Variants in COXFA4 observed in about 807,000 individuals in gnomAD.
COXFA4 encodes cytochrome c oxidase associated subunit FA4, also known as cytochrome c oxidase subunit FA4.
the COXFA4 span, among the ~76,000 whole-genome samples, chr7:10,936,853 C>T: frequency 0.048 from 7,361 of 152,036 alleles, 359 homozygotes; most frequent in African/African-American, 0.12. Context: ...CTGGCCAACA[C>T]GGCAAAACCC....
chr7:10,933,616 G>T, the COXFA4 span: 7 of 1,597,900 alleles, frequency 4.4e-6, no homozygotes, highest in Non-Finnish European at 5.1e-6. Flanking sequence ...CTAAAGCAGC[G>T]TTATAGTGAA....
the COXFA4 span, chr7:10,938,989 G>T: frequency 1.1e-6 from 1 of 945,348 alleles, no homozygotes; most frequent in Non-Finnish European, 1.7e-6. Context: ...TGATTTCCAA[G>T]TCTCAAACTG....
the COXFA4 span, chr7:10,937,871 A>G: frequency 9.2e-5 from 52 of 565,686 alleles, no homozygotes; most frequent in African/African-American, 9.6e-4. Flanking sequence ...TGATAGCTAT[A>G]CTATTTTTCC....
the COXFA4 span, among the ~76,000 whole-genome samples, chr7:10,936,795 G>A: frequency 2.6e-5 from 4 of 152,152 alleles, no homozygotes; most frequent in African/African-American, 9.7e-5. Flanking sequence ...CCAGCACTGG[G>A]GGGTTGAGAC....
chr7:10,933,599 CTTCA>C, the COXFA4 span: 1 of 1,565,802 alleles, frequency 6.4e-7, no homozygotes. Context: ...TCTGGAAGAC[CTTCA>C]TTCTAAAGCA....
the COXFA4 span, chr7:10,932,015 T>C: frequency 6.6e-6 from 1 of 152,206 alleles, no homozygotes; most frequent in Non-Finnish European, 1.5e-5. Flanking sequence ...ACTGTTTGTT[T>C]ACACAATTTT....
chr7:10,938,964 G>A, the COXFA4 span: 1 of 1,196,310 alleles, frequency 8.4e-7, no homozygotes, highest in East Asian at 2.3e-5. Context: ...AGAGATTACA[G>A]TAGTTTCTGC....
the COXFA4 span, among the ~76,000 whole-genome samples, chr7:10,936,958 C>G: frequency 6.6e-6 from 1 of 152,052 alleles, no homozygotes; most frequent in East Asian, 1.9e-4. Context: ...ATCACTTGAG[C>G]CTGGGAAGTG....
chr7:10,934,017 C>T, the COXFA4 span, among the ~76,000 whole-genome samples: 5 of 152,076 alleles, frequency 3.3e-5, no homozygotes, highest in Non-Finnish European at 4.4e-5. Context: ...ACTTCCAATT[C>T]GGTAAGTTTT....
the COXFA4 span, among the ~76,000 whole-genome samples, chr7:10,936,452 GTT>G: frequency 2.0e-5 from 3 of 152,116 alleles, no homozygotes; most frequent in Non-Finnish European, 4.4e-5. Context: ...AAGCCTGCTA[GTT>G]TTTTTGTTTG....
chr7:10,933,572 A>G, the COXFA4 span: 3 of 1,309,032 alleles, frequency 2.3e-6, no homozygotes, highest in Non-Finnish European at 3.3e-6. Context: ...TAAGTGGAAA[A>G]TTGTGCGGAT....
At chr7:10,940,079 C>A in the COXFA4 span, 4 of 1,613,160 alleles carry the variant, frequency 2.5e-6, no homozygotes, top group Middle Eastern at 1.6e-4. Flanking sequence ...AGGTCTCCGA[C>A]TGGAAAGGAG....
At chr7:10,937,435 A>G in the COXFA4 span, among the ~76,000 whole-genome samples, 1 of 151,858 alleles carries the variant, frequency 6.6e-6, no homozygotes, top group Non-Finnish European at 1.5e-5. Context: ...GGTACCTACT[A>G]CCATGCCCAG....
chr7:10,933,623 T>C, the COXFA4 span: 2 of 1,603,896 alleles, frequency 1.2e-6, no homozygotes, highest in Middle Eastern at 3.6e-4. Context: ...AGCGTTATAG[T>C]GAAACATTTC....
At chr7:10,939,792 G>C in the COXFA4 span, 3 of 636,452 alleles carry the variant, frequency 4.7e-6, no homozygotes, top group Non-Finnish European at 8.4e-6. Context: ...TTTTTTCCGA[G>C]CAGTGTCCGT....
chr7:10,934,390 A>AAAAC, the COXFA4 span, among the ~76,000 whole-genome samples: 17 of 151,712 alleles, frequency 1.1e-4, no homozygotes, highest in African/African-American at 4.1e-4. Flanking sequence ...AAAAAAAAAA[A>AAAAC]AAAACTCCCT....
chr7:10,932,210 A>G, the COXFA4 span: 1 of 152,182 alleles, frequency 6.6e-6, no homozygotes, highest in Non-Finnish European at 1.5e-5. Flanking sequence ...TAAACAAGCT[A>G]AAGCGCATGG....
chr7:10,934,236 A>G, the COXFA4 span, among the ~76,000 whole-genome samples: 7 of 152,116 alleles, frequency 4.6e-5, no homozygotes, highest in Non-Finnish European at 8.8e-5. Context: ...CCTAATCCAG[A>G]CTATATTCAA....
chr7:10,937,361 C>T, the COXFA4 span, among the ~76,000 whole-genome samples: 1 of 151,900 alleles, frequency 6.6e-6, no homozygotes, highest in African/African-American at 2.4e-5. Context: ...TGGCTCACTG[C>T]AACCTCCACC....
Sources: gnomAD v4.1 joint callset for allele counts (sites outside exome capture counted in the v4.1 genomes callset) on GRCh38, gnomAD v4.1.1 for gene constraint, MANE v1.5 for transcripts, NCBI Gene and HGNC (gene_info 2026-07-23, HGNC 2026-07-21) for gene names.